Variants in CYTH1 observed in about 807,000 individuals in gnomAD.
CYTH1 encodes the protein cytohesin 1.
Under a neutral mutation model 61.8 loss-of-function variants are expected in CYTH1, and 18 were observed. The observed-to-expected ratio is 0.29, with a 90% CI of 0.20 to 0.43. The LOEUF is 0.43. Among genes scored for constraint, CYTH1 ranks in the 20% least tolerant of loss-of-function variants. CYTH1 has a pLI of 1.00. For missense variants in CYTH1, 336 were observed against 510.5 expected (o/e 0.66, Z 3.29); for synonymous variants, 174 against 184.3 (o/e 0.94, Z 0.45).
chr17:78,684,132 C>A (rs1410224668), intron 11 of CYTH1, among the ~76,000 whole-genome samples: 1 of 152,160 alleles, frequency 6.6e-6, no homozygotes, highest in Non-Finnish European at 1.5e-5. Flanking sequence ...CCGGGAGAAC[C>A]CACTGGGGAT....
At chr17:78,782,115 A>G in intron 1 of CYTH1, 87 bp downstream of exon 1, 1 of 1,140,028 alleles carries the variant, frequency 8.8e-7, no homozygotes, top group Non-Finnish European at 1.1e-6. Flanking sequence ...GGGAAACGCC[A>G]GCCGCCGCAA....
In CYTH1 at chr17:78,701,623, G is replaced by A. The variant is rs1173796699; in HGVS notation, c.437+48C>T. ...CCCCCAGGACAGACTCATGATCAAAGGCTAGCCTCCCACTCCTTCCAAAGG... is the reference window on the plus strand; with the variant it reads ...CCCCCAGGACAGACTCATGATCAAAAGCTAGCCTCCCACTCCTTCCAAAGG... On this transcript the variant is annotated intron_variant, in intron 6 of 13. Coordinates refer to ENST00000446868, the MANE Select transcript of CYTH1 (RefSeq NM_004762.6). The A allele has an allele frequency of 1.9e-6, 3 of 1,559,396 alleles. No individual in the cohort carries two copies. The Admixed American group carries it at 5.0e-5, about 26-fold the overall frequency.
At chr17:78,693,430 C>T (rs1302079202) in intron 10 of CYTH1, among the ~76,000 whole-genome samples, 1 of 151,816 alleles carries the variant, frequency 6.6e-6, no homozygotes, top group Non-Finnish European at 1.5e-5. Context: ...CAAGACCAGC[C>T]GGCCAACATG....
At chr17:78,772,013 A>G (rs1183528170) in intron 1 of CYTH1, among the ~76,000 whole-genome samples, 1 of 152,192 alleles carries the variant, frequency 6.6e-6, no homozygotes, top group Non-Finnish European at 1.5e-5. Flanking sequence ...TGTGGGATTC[A>G]CTTCTTGATC....
intron 1 of CYTH1, among the ~76,000 whole-genome samples, chr17:78,778,964 A>G (rs1032790683): frequency 6.6e-6 from 1 of 152,210 alleles, no homozygotes; most frequent in African/African-American, 2.4e-5. Flanking sequence ...GGAGACTAAC[A>G]CAAACCTTAA....
chr17:78,765,231 T>C (rs1009122223), intron 1 of CYTH1, among the ~76,000 whole-genome samples: 2 of 151,982 alleles, frequency 1.3e-5, no homozygotes, highest in Non-Finnish European at 2.9e-5. Context: ...GAGGCATCAG[T>C]AGACTCAAAG....
At chr17:78,681,958 G>A (rs1476232764) in intron 11 of CYTH1, among the ~76,000 whole-genome samples, 1 of 151,982 alleles carries the variant, frequency 6.6e-6, no homozygotes, top group Non-Finnish European at 1.5e-5. Flanking sequence ...AACCTGCTTG[G>A]TCTTTACCTC....
intron 1 of CYTH1, among the ~76,000 whole-genome samples, chr17:78,753,899 A>T (rs2093390377): frequency 6.6e-6 from 1 of 152,206 alleles, no homozygotes; most frequent in African/African-American, 2.4e-5. Context: ...AATGATTTTT[A>T]AAATAATCCC....
intron 1 of CYTH1, among the ~76,000 whole-genome samples, chr17:78,776,449 G>A (rs968396602): frequency 3.9e-5 from 6 of 151,976 alleles, no homozygotes; most frequent in Non-Finnish European, 8.8e-5. Flanking sequence ...TTGAGGTCAG[G>A]AGTTCGAGAC....
intron 13 of CYTH1, 146 bp from the exon 14 acceptor site, chr17:78,676,315 C>T: frequency 1.4e-6 from 1 of 700,064 alleles, no homozygotes; most frequent in Non-Finnish European, 2.4e-6. Context: ...TAGCGTCCTC[C>T]ACCCTTGCTG....
At chr17:78,767,231 T>C (rs35648835) in intron 1 of CYTH1, among the ~76,000 whole-genome samples, 9,608 of 152,034 alleles carry the variant, frequency 0.063, 596 homozygotes, top group African/African-American at 0.15. Context: ...ACTTTGGGAG[T>C]CCGAGATGGG....
intron 1 of CYTH1, among the ~76,000 whole-genome samples, chr17:78,766,755 AGAAAAAACAAT>A (rs746495351): frequency 2.3e-4 from 35 of 152,338 alleles, no homozygotes; most frequent in Admixed American, 7.2e-4. Context: ...TCTGAGAAAA[AGAAAAAACAAT>A]GAAAAGACAT....
At chr17:78,720,901 A>G (rs1456811758) in intron 1 of CYTH1, among the ~76,000 whole-genome samples, 1 of 152,136 alleles carries the variant, frequency 6.6e-6, no homozygotes, top group Non-Finnish European at 1.5e-5. Context: ...AAAATAAACA[A>G]AAATTTCACA....
At chr17:78,705,480 G>T (rs1284336410) in intron 3 of CYTH1, among the ~76,000 whole-genome samples, 1 of 152,104 alleles carries the variant, frequency 6.6e-6, no homozygotes, top group African/African-American at 2.4e-5. Flanking sequence ...TAACTGACGC[G>T]TATACATTTC....
chr17:78,689,688 G>T (rs1231499615), intron 11 of CYTH1, among the ~76,000 whole-genome samples: 1 of 152,212 alleles, frequency 6.6e-6, no homozygotes, highest in Non-Finnish European at 1.5e-5. Flanking sequence ...GCTCATGGGA[G>T]ACCCTCCATG....
rs1376406255 is a variant in CYTH1 at position 78,760,403 on chromosome 17, ATATGTG to A, written c.22+21793_22+21798del. Reference sequence around the variant, plus strand: ...TATATATACACACACATACATATATATATGTGTATATATATATATATACACATACAT... The same window carrying A: ...TATATATACACACACATACATATATATATATATATATATATACACATACAT... On this transcript the variant is annotated intron_variant, in intron 1 of 13. Transcript: ENST00000446868. 2.8e-3 allele frequency among the ~76,000 whole-genome samples: 180 copies of A among 64,894 alleles called. 15 individuals carry two copies. The highest frequency in any genetic ancestry group is 4.8e-3 in the African/African-American group (87 of 18,058). The allele number at this position is 64,894 out of a possible 152,430, so 42.6% of individuals were successfully genotyped here.
chr17:78,680,255 G>GT lies in CYTH1; in HGVS notation c.1052dup (p.Asn351LysfsTer20). 1 of 1,614,154 alleles carries GT rather than the reference G, an allele frequency of 6.2e-7. No homozygotes were observed. The highest frequency in any genetic ancestry group is 2.2e-5 in the East Asian group (1 of 44,878). On this transcript the variant is annotated frameshift_variant, in exon 13 of 14. Coordinates refer to ENST00000446868, the MANE Select transcript of CYTH1 (RefSeq NM_004762.6). LOFTEE classifies it high-confidence loss of function. ...GAGCTGAGATCCGGTAAACAGTGTG[G>GT]TTCCCCTCCACCACCCGCCCGTCAG...
rs200639118 is a variant in CYTH1, at chr17:78,760,396, CATAT to C, written c.22+21802_22+21805del. 9.6e-5 allele frequency among the ~76,000 whole-genome samples: 4 copies of C among 41,772 alleles called. 1 individual carries two copies. The highest frequency in any genetic ancestry group is 3.7e-4 in the African/African-American group (4 of 10,668). 27.4% of individuals were successfully genotyped at this position (41,772 alleles called of 152,430 possible). A position where few individuals can be genotyped will look rare whatever the true frequency, so the allele number is the denominator to read the frequency against. ...ATATATATATATATACACACACATA[CATAT>C]ATATATGTGTATATATATATATATA... On this transcript the variant is annotated intron_variant, in intron 1 of 13. Transcript: ENST00000446868.
At chr17:78,744,201 G>A (rs988363634) in intron 1 of CYTH1, among the ~76,000 whole-genome samples, 6 of 152,186 alleles carry the variant, frequency 3.9e-5, no homozygotes, top group Non-Finnish European at 8.8e-5. Context: ...TACCAGAAGT[G>A]CAAGAGAAAC....
Sources: allele counts gnomAD v4.1 joint callset (sites outside exome capture counted in the v4.1 genomes callset), GRCh38; gene constraint gnomAD v4.1.1; transcripts MANE v1.5; gene names NCBI Gene and HGNC (gene_info 2026-07-23, HGNC 2026-07-21).